The following CCDC6 variants were observed in gnomAD, a reference collection of about 807,000 sequenced individuals.
The protein encoded by CCDC6 is coiled-coil domain containing 6.
Under a neutral mutation model 56.6 loss-of-function variants are expected in CCDC6, and 20 were observed. That is an observed-to-expected ratio of 0.35 (90% CI 0.25 to 0.51). The LOEUF is 0.51. CCDC6 is among the 20% of genes least tolerant of loss of function. CCDC6 has a pLI of 0.95. For missense variants in CCDC6, 367 were observed against 601.1 expected, an observed-to-expected ratio of 0.61 and a Z score of 4.07; for synonymous variants, 241 against 234.4, an observed-to-expected ratio of 1.03 and a Z score of -0.26.
intron 1 of CCDC6, among the ~76,000 whole-genome samples, chr10:59,890,307 G>T (rs1271689855): frequency 6.6e-6 from 1 of 152,180 alleles, no homozygotes; most frequent in Non-Finnish European, 1.5e-5. Context: ...TGGAAGAACA[G>T]GAACTGTGAA....
intron 1 of CCDC6, among the ~76,000 whole-genome samples, chr10:59,890,905 C>T (rs1057085452): frequency 2.0e-5 from 3 of 152,046 alleles, no homozygotes; most frequent in Non-Finnish European, 4.4e-5. Context: ...CGACAGGCCC[C>T]GGTGTGTGGT....
In CCDC6 at chr10:59,862,540, C is replaced by CATATAT. The variant is rs1564751055; in HGVS notation, c.304-9839_304-9838insATATAT. Reference sequence around the variant, plus strand: ...ATACACACACACACACACACACACACACACACACACACACACATATATATA... The same window carrying CATATAT: ...ATACACACACACACACACACACACACATATATACACACACACACACACATATATATA... On this transcript the variant is annotated intron_variant, in intron 1 of 8. Coordinates refer to ENST00000263102, the MANE Select transcript of CCDC6 (RefSeq NM_005436.5). Among the ~76,000 whole-genome samples, 70 of 112,312 alleles carry CATATAT rather than the reference C, an allele frequency of 6.2e-4. 4 individuals are homozygous for CATATAT. In the South Asian group the frequency reaches 8.6e-3, roughly 14 times the overall value. The allele number at this position is 112,312 out of a possible 152,430, so 73.7% of individuals were successfully genotyped here.
chr10:59,875,170 C>T (rs1050049387), intron 1 of CCDC6, among the ~76,000 whole-genome samples: 1 of 152,178 alleles, frequency 6.6e-6, no homozygotes, highest in African/African-American at 2.4e-5. Flanking sequence ...AGGTTCACAC[C>T]AACCCTCAGA....
Position 59,792,515 on chromosome 10 carries a change from C to T in CCDC6, c.*402G>A. 2.0e-6 allele frequency: 1 copy of T among 489,882 alleles called. No individual in the cohort carries two copies. Among genetic ancestry groups the T allele is most frequent in the East Asian group, 4.0e-5 (1 of 24,924 alleles). 30.3% of individuals were successfully genotyped at this position (489,882 alleles called of 1,614,324 possible). ...TATTATAATGAGAGGAGGGTAACAA[C>T]AGCTCAGTAATTTTCTGCAGATTCA... is the stretch of plus-strand genomic sequence containing the variant. On this transcript the variant is annotated 3_prime_UTR_variant, in exon 9 of 9. Transcript: ENST00000263102.
At chr10:59,836,187 T>C (rs531629649) in intron 2 of CCDC6, among the ~76,000 whole-genome samples, 48 of 151,738 alleles carry the variant, frequency 3.2e-4, no homozygotes, top group African/African-American at 1.1e-3. Flanking sequence ...GAAGGACTAA[T>C]AACTACAGAA....
At chr10:59,881,436 G>A (rs1024453315) in intron 1 of CCDC6, among the ~76,000 whole-genome samples, 1 of 152,100 alleles carries the variant, frequency 6.6e-6, no homozygotes, top group African/African-American at 2.4e-5. Flanking sequence ...TCCCAGAAGG[G>A]GCATAACGAG....
At chr10:59,809,216 A>C (rs1227523107) in intron 5 of CCDC6, among the ~76,000 whole-genome samples, 3 of 152,072 alleles carry the variant, frequency 2.0e-5, no homozygotes, top group Non-Finnish European at 4.4e-5. Flanking sequence ...CCATAATAGG[A>C]CTCTTATAAT....
rs60162547 is a variant in CCDC6 at position 59,862,516 on chromosome 10, TACACAC to T, written c.304-9820_304-9815del. 3.5e-3 allele frequency among the ~76,000 whole-genome samples: 339 copies of T among 97,192 alleles called. 11 individuals are homozygous for T. Among genetic ancestry groups the T allele is most frequent in the Middle Eastern group, 5.6e-3 (1 of 180 alleles). 63.8% of individuals were successfully genotyped at this position (97,192 alleles called of 152,430 possible). On this transcript the variant is annotated intron_variant, in intron 1 of 8. Coordinates refer to ENST00000263102, the MANE Select transcript of CCDC6 (RefSeq NM_005436.5). The stretch of plus-strand genomic sequence containing the variant: ...AAAAAAAAAAGTATATATATATATA[TACACAC>T]ACACACACACACACACACACACACA...
At chr10:59,827,265 T>C (rs2070795645) in intron 3 of CCDC6, among the ~76,000 whole-genome samples, 1 of 152,244 alleles carries the variant, frequency 6.6e-6, no homozygotes, top group Non-Finnish European at 1.5e-5. Flanking sequence ...TTTTATGACC[T>C]ACATTTTAAT....
At chr10:59,825,200 C>T (rs2070777947) in intron 3 of CCDC6, among the ~76,000 whole-genome samples, 1 of 152,212 alleles carries the variant, frequency 6.6e-6, no homozygotes, top group Non-Finnish European at 1.5e-5. Flanking sequence ...ATAATTCCCA[C>T]ATGTTGTGGG....
At position 59,788,987 on chromosome 10, in the gene CCDC6, G is replaced by A. The variant is rs957259004; in HGVS notation, c.*3930C>T. On this transcript the variant is annotated 3_prime_UTR_variant, in exon 9 of 9. Transcript: ENST00000263102. ...TGTGCACAGATATGCAGAGGCAAAA[G>A]GCATGCTAGCGCTTGGCTCTCCTCT... The A allele has an allele frequency of 2.3e-5, 5 of 219,498 alleles. No homozygotes were observed. The Admixed American group carries it at 2.9e-4, about 13-fold the overall frequency. 13.6% of individuals were successfully genotyped at this position (219,498 alleles called of 1,614,324 possible).
In CCDC6 at chr10:59,906,494, T is replaced by A; in HGVS notation, c.-70A>T. ...GCGGCGACGAAGGCCGGGCTGCGAATGAGTGGGCGCCGGGCGAGCACAGGG... is the reference window on the plus strand; with the variant it reads ...GCGGCGACGAAGGCCGGGCTGCGAAAGAGTGGGCGCCGGGCGAGCACAGGG... On this transcript the variant is annotated 5_prime_UTR_variant, in exon 1 of 9. Coordinates refer to ENST00000263102, the MANE Select transcript of CCDC6 (RefSeq NM_005436.5). The A allele has an allele frequency of 7.5e-7, 1 of 1,327,412 alleles. No homozygotes were observed. The highest frequency in any genetic ancestry group is 9.8e-7 in the Non-Finnish European group (1 of 1,017,482). 82.2% of individuals were successfully genotyped at this position (1,327,412 alleles called of 1,614,324 possible). A position where few individuals can be genotyped will look rare whatever the true frequency, so the allele number is the denominator to read the frequency against.
chr10:59,893,640 A>G (rs1205910303), intron 1 of CCDC6, among the ~76,000 whole-genome samples: 2 of 113,472 alleles, frequency 1.8e-5, no homozygotes, highest in African/African-American at 6.7e-5. Flanking sequence ...ACATACATAC[A>G]TACATACATA....
chr10:59,841,868 C>T (rs1395214873), intron 2 of CCDC6, among the ~76,000 whole-genome samples: 8 of 151,602 alleles, frequency 5.3e-5, no homozygotes, highest in Non-Finnish European at 1.2e-4. Flanking sequence ...GGGGTTTCAC[C>T]ACGTTAGCCA....
At chr10:59,874,508 C>G (rs1022362683) in intron 1 of CCDC6, among the ~76,000 whole-genome samples, 2 of 152,334 alleles carry the variant, frequency 1.3e-5, no homozygotes, top group Admixed American at 6.5e-5. Context: ...TACTCCTATT[C>G]TGCCAGTGAA....
At chr10:59,814,625 C>T in intron 4 of CCDC6, 27 bp downstream of exon 4, 1 of 1,358,212 alleles carries the variant, frequency 7.4e-7, no homozygotes. Flanking sequence ...CACACACACC[C>T]ATACTGAACA....
intron 5 of CCDC6, among the ~76,000 whole-genome samples, chr10:59,809,910 C>T (rs1456479909): frequency 2.0e-5 from 3 of 152,174 alleles, no homozygotes; most frequent in African/African-American, 7.2e-5. Flanking sequence ...ATGGTGTGAA[C>T]TGCGGATGAC....
chr10:59,856,439 T>A (rs1171141282), intron 1 of CCDC6, among the ~76,000 whole-genome samples: 2 of 152,092 alleles, frequency 1.3e-5, no homozygotes, highest in African/African-American at 4.8e-5. Flanking sequence ...AAAAAAAGTA[T>A]TAAGTGTCCA....
intron 1 of CCDC6, among the ~76,000 whole-genome samples, chr10:59,896,546 A>G (rs1391831009): frequency 6.6e-6 from 1 of 152,224 alleles, no homozygotes; most frequent in Non-Finnish European, 1.5e-5. Context: ...CAGGACAGTA[A>G]AAAGCAGCTA....
Sources: allele counts gnomAD v4.1 joint callset (sites outside exome capture counted in the v4.1 genomes callset), GRCh38; gene constraint gnomAD v4.1.1; transcripts MANE v1.5; gene names NCBI Gene and HGNC (gene_info 2026-07-23, HGNC 2026-07-21).